The following TMA16 variants were observed in gnomAD, a reference collection of about 807,000 sequenced individuals.
The protein encoded by TMA16 is translation machinery-associated protein 16.
TMA16 carries 26 observed loss-of-function variants against 27.1 expected under a neutral mutation model. That is an observed-to-expected ratio of 0.96 (90% CI 0.70 to 1.33). The LOEUF is 1.33. Among genes scored for constraint, TMA16 ranks in the 40% most tolerant of loss-of-function variants. TMA16 has a pLI of 0.00. For synonymous variants in TMA16, 71 were observed against 81.9 expected, an observed-to-expected ratio of 0.87 and a Z score of 0.72; for missense variants, 233 against 241.4, an observed-to-expected ratio of 0.97 and a Z score of 0.23.
At chr4:163,500,199 A>C (rs1737629166) in intron 1 of TMA16, among the ~76,000 whole-genome samples, 1 of 148,336 alleles carries the variant, frequency 6.7e-6, no homozygotes, top group South Asian at 2.1e-4. Flanking sequence ...TTATTTATCC[A>C]TTCTTTCTTT....
Position 163,519,365 on chromosome 4 carries a change from A to C in TMA16, c.463A>C (p.Asn155His). 3 of 1,599,898 alleles carry C rather than the reference A, an allele frequency of 1.9e-6. No homozygotes were observed. The Middle Eastern group carries it at 5.0e-4, about 266-fold the overall frequency. The change falls in exon 7 of 7, where the codon AAC becomes CAC. Residue 155 changes from asparagine to histidine, a missense_variant. By Grantham distance (68) the Asn-to-His change is moderately conservative. Transcript: ENST00000358572. ...GGACTTTGATCTGAAGAAATTACCA[A>C]ACATTAAAATGAGAAAAATTTGCGC... ...EWDFDLKKLP[N>H]IKMRKICAND... is the part of the protein sequence containing the mutation.
intron 2 of TMA16, among the ~76,000 whole-genome samples, chr4:163,510,342 T>C (rs1560914679): frequency 6.6e-6 from 1 of 152,196 alleles, no homozygotes; most frequent in South Asian, 2.1e-4. Context: ...GTATACAATT[T>C]CATCTTCCTA....
intron 6 of TMA16, among the ~76,000 whole-genome samples, chr4:163,517,732 A>G (rs563283887): frequency 7.5e-4 from 114 of 152,324 alleles, no homozygotes; most frequent in African/African-American, 2.5e-3. Context: ...ACCTCAAAGT[A>G]TGTGATCTCA....
intron 2 of TMA16, 89 bp from the exon 3 acceptor site, chr4:163,512,733 T>C (rs536480544): frequency 2.8e-4 from 248 of 894,728 alleles, no homozygotes; most frequent in Admixed American, 7.7e-4. Flanking sequence ...TAGAGTTCTT[T>C]AGGCAGTTTT....
In TMA16 at chr4:163,520,099, ATC is replaced by A. The variant is rs1222236037; in HGVS notation, c.*588_*589del. 7.7e-6 allele frequency: 4 copies of A among 518,194 alleles called. No individual in the cohort carries two copies. Among genetic ancestry groups the A allele is most frequent in the Non-Finnish European group, 1.4e-5 (4 of 290,830 alleles). The allele number at this position is 518,194 out of a possible 1,614,324, so 32.1% of individuals were successfully genotyped here. A position where few individuals can be genotyped will look rare whatever the true frequency, so the allele number is the denominator to read the frequency against. ...AAAATCAGTGATGATTGTTATGTTG[ATC>A]TCCCACAATTAATTTATCTTTTGAC... is the stretch of plus-strand genomic sequence containing the variant. On this transcript the variant is annotated 3_prime_UTR_variant, in exon 7 of 7. Transcript: ENST00000358572.
intron 1 of TMA16, 142 bp downstream of exon 1, chr4:163,494,946 T>TG: frequency 7.9e-7 from 1 of 1,272,594 alleles, no homozygotes; most frequent in East Asian, 2.4e-5. Flanking sequence ...GTGTGCGGGG[T>TG]GCGGGGCGAA....
chr4:163,502,838 C>T (rs1363863124), intron 1 of TMA16, among the ~76,000 whole-genome samples: 2 of 151,100 alleles, frequency 1.3e-5, no homozygotes, highest in Non-Finnish European at 3.0e-5. Flanking sequence ...TTGCTTAGTC[C>T]ATCATTTCGA....
In TMA16 at chr4:163,519,893, T is replaced by C. The variant is rs1239000156; in HGVS notation, c.*379T>C. 1.9e-6 allele frequency: 1 copy of C among 539,016 alleles called. No homozygotes were observed. The highest frequency in any genetic ancestry group is 2.0e-5 in the African/African-American group (1 of 49,890). 33.4% of individuals were successfully genotyped at this position (539,016 alleles called of 1,614,324 possible). ...CTGAAAGATTCCTGTGGGTACTTTT[T>C]GAGCTGTGATAATAGCAAAATTGTT... is the stretch of plus-strand genomic sequence containing the variant. On this transcript the variant is annotated 3_prime_UTR_variant, in exon 7 of 7. Coordinates refer to ENST00000358572, the MANE Select transcript of TMA16 (RefSeq NM_018352.3).
chr4:163,504,282 G>GT (rs1208950746), intron 1 of TMA16, among the ~76,000 whole-genome samples: 14 of 152,132 alleles, frequency 9.2e-5, no homozygotes, highest in Non-Finnish European at 1.9e-4. Context: ...CTTTGCTTTG[G>GT]TTTTTTGGTC....
Position 163,515,458 on chromosome 4 carries a change from C to T in TMA16, c.385C>T (p.Leu129Phe). 1 of 1,609,734 alleles carries T rather than the reference C, an allele frequency of 6.2e-7. No individual in the cohort carries two copies. ...RERQQFEGYG[L>F]EIPDILNASN... ...GCGACAGCAGTTTGAGGGATATGGC[C>T]TTGGTGTGCTCACTGATTTTTTATT... is the stretch of plus-strand genomic sequence containing the variant. The change falls in exon 5 of 7, where the codon CTT (leucine) becomes TTT (phenylalanine). Residue 129 changes from leucine to phenylalanine, a missense_variant. Transcript: ENST00000358572.
rs76138824 is a variant in TMA16 at position 163,509,527 on chromosome 4, C to T, written c.116+2382C>T. Among the ~76,000 whole-genome samples the T allele has an allele frequency of 8.9e-3, 1,352 of 152,292 alleles. 22 individuals carry two copies. The highest frequency in any genetic ancestry group is 0.067 in the East Asian group (348 of 5,186). The stretch of plus-strand genomic sequence containing the variant: ...TTTCTGACCCAGCATCTTTCACAAG[C>T]CTGCAGCTAAGCTGTTGTCTGGGAC... On this transcript the variant is annotated intron_variant, in intron 2 of 6. Coordinates refer to ENST00000358572, the MANE Select transcript of TMA16 (RefSeq NM_018352.3).
intron 2 of TMA16, among the ~76,000 whole-genome samples, chr4:163,510,929 T>C (rs1737783473): frequency 6.6e-6 from 1 of 152,198 alleles, no homozygotes; most frequent in Admixed American, 6.5e-5. Context: ...AAAACATTCA[T>C]GTACAGGTGT....
chr4:163,514,187 G>A, intron 4 of TMA16, 29 bp downstream of exon 4: 1 of 1,547,808 alleles, frequency 6.5e-7, no homozygotes, highest in Non-Finnish European at 8.8e-7. Context: ...ATGAGCAAAG[G>A]GTCAGAAAAG....
At chr4:163,505,894 A>G (rs566660858) in intron 1 of TMA16, among the ~76,000 whole-genome samples, 2 of 152,314 alleles carry the variant, frequency 1.3e-5, no homozygotes, top group South Asian at 2.1e-4. Context: ...ATTGACAATA[A>G]TTTTGAAGAA....
Position 163,506,599 on chromosome 4 carries a change from A to T in TMA16, c.4-434A>T, listed in dbSNP as rs537958180. 2.0e-5 allele frequency among the ~76,000 whole-genome samples: 3 copies of T among 152,280 alleles called. No homozygotes were observed. In the East Asian group the frequency reaches 5.8e-4, roughly 29 times the overall value. On this transcript the variant is annotated intron_variant, in intron 1 of 6. Coordinates refer to ENST00000358572, the MANE Select transcript of TMA16 (RefSeq NM_018352.3). Reference sequence around the variant, plus strand: ...ATGAGCCCAGCTTTGATTTTGCATGATTCATTGCCCGCTTTGTTCCATGTG... The same window carrying T: ...ATGAGCCCAGCTTTGATTTTGCATGTTTCATTGCCCGCTTTGTTCCATGTG...
chr4:163,507,357 G>A (rs1201233700), intron 2 of TMA16, among the ~76,000 whole-genome samples: 2 of 152,154 alleles, frequency 1.3e-5, no homozygotes, highest in Non-Finnish European at 2.9e-5. Context: ...TAGGTGATGA[G>A]TGCCATGAAA....
intron 6 of TMA16, among the ~76,000 whole-genome samples, chr4:163,518,322 C>G (rs1324982215): frequency 6.6e-6 from 1 of 152,086 alleles, no homozygotes; most frequent in African/African-American, 2.4e-5. Flanking sequence ...TTGATAGCAG[C>G]CTTGACAAAA....
chr4:163,513,544 C>T (rs1413711183), intron 3 of TMA16, among the ~76,000 whole-genome samples: 3 of 152,130 alleles, frequency 2.0e-5, no homozygotes, highest in Admixed American at 1.3e-4. Flanking sequence ...TTACTCTACA[C>T]AGTACCTGGC....
intron 6 of TMA16, chr4:163,517,695 A>G (rs955528877): frequency 8.0e-6 from 4 of 502,700 alleles, no homozygotes; most frequent in Admixed American, 3.9e-5. Context: ...TTGTTTTTCA[A>G]AATGGTTTAA....
Sources: allele counts gnomAD v4.1 joint callset (sites outside exome capture counted in the v4.1 genomes callset), GRCh38; gene constraint gnomAD v4.1.1; transcripts MANE v1.5; gene names NCBI Gene and HGNC (gene_info 2026-07-23, HGNC 2026-07-21).